Variants in LIAT1 observed in about 807,000 individuals in gnomAD.
LIAT1 encodes the protein protein LIAT1.
chr17:413,331 C>G, the LIAT1 span: 2 of 1,614,112 alleles, frequency 1.2e-6, no homozygotes, highest in African/African-American at 2.7e-5. Flanking sequence ...GAGAACCTTG[C>G]GAATCGGATC....
the LIAT1 span, chr17:410,495 C>G: frequency 3.2e-6 from 5 of 1,544,270 alleles, no homozygotes; most frequent in Non-Finnish European, 4.4e-6. Flanking sequence ...ACAAGGACAA[C>G]GACGGCGAGG....
the LIAT1 span, chr17:413,269 G>A: frequency 1.9e-6 from 3 of 1,614,190 alleles, no homozygotes; most frequent in Non-Finnish European, 2.5e-6. Flanking sequence ...TGGAAAAGAA[G>A]CACCTCCCTT....
At chr17:413,862 A>G in the LIAT1 span, 1 of 1,597,120 alleles carries the variant, frequency 6.3e-7, no homozygotes, top group Non-Finnish European at 8.5e-7. Context: ...CCCGACCCCG[A>G]GGCCCTCAAG....
the LIAT1 span, chr17:410,533 G>A: frequency 6.5e-7 from 1 of 1,545,830 alleles, no homozygotes; most frequent in Non-Finnish European, 8.7e-7. Flanking sequence ...GGCGCCGCGG[G>A]CCCGCGGGGG....
the LIAT1 span, chr17:410,614 A>G: frequency 1.3e-6 from 2 of 1,542,908 alleles, no homozygotes; most frequent in Non-Finnish European, 1.7e-6. Context: ...AAAAAAAGGA[A>G]GAAGAAGACC....
the LIAT1 span, among the ~76,000 whole-genome samples, chr17:411,988 G>A: frequency 1.3e-5 from 2 of 152,234 alleles, no homozygotes; most frequent in Non-Finnish European, 2.9e-5. Flanking sequence ...TATGGACCGT[G>A]CAGTGTGGGA....
At chr17:411,415 T>C in the LIAT1 span, among the ~76,000 whole-genome samples, 5 of 152,118 alleles carry the variant, frequency 3.3e-5, no homozygotes, top group Non-Finnish European at 7.4e-5. Flanking sequence ...ACACCTGTAA[T>C]CCGAGCACTT....
At chr17:414,255 AT>A in the LIAT1 span, 1 of 1,068,862 alleles carries the variant, frequency 9.4e-7, no homozygotes, top group Non-Finnish European at 1.3e-6. This position sits in a 1 kb window ranked among gnomAD's most constrained non-coding sequence, Gnocchi z 4.1. Context: ...CGACTCTCCC[AT>A]CACCAAGCTG....
the LIAT1 span, among the ~76,000 whole-genome samples, chr17:412,261 C>A: frequency 6.6e-6 from 1 of 151,286 alleles, no homozygotes; most frequent in Non-Finnish European, 1.5e-5. Flanking sequence ...AAGATTGTGC[C>A]ACTGTGCTCC....
chr17:410,378 T>A, the LIAT1 span: 1 of 1,520,130 alleles, frequency 6.6e-7, no homozygotes, highest in East Asian at 2.5e-5. Context: ...CGGTCCGCGC[T>A]GAGAGTCGCC....
At chr17:413,530 C>T in the LIAT1 span, 19 of 1,513,764 alleles carry the variant, frequency 1.3e-5, 1 homozygote, top group Admixed American at 3.6e-5. Flanking sequence ...ACCCCGACCC[C>T]GAGGCCCTCA....
At chr17:413,023 A>G in the LIAT1 span, 2 of 1,092,660 alleles carry the variant, frequency 1.8e-6, no homozygotes, top group East Asian at 4.8e-5. Flanking sequence ...TGGGCTTGGC[A>G]GCCTGAGCCC....
At chr17:413,495 GA>G in the LIAT1 span, 9 of 1,363,378 alleles carry the variant, frequency 6.6e-6, no homozygotes, top group Middle Eastern at 2.5e-4. Context: ...CTTCCACCCC[GA>G]CCCCGACGCC....
the LIAT1 span, chr17:413,343 A>G: frequency 6.2e-7 from 1 of 1,614,268 alleles, no homozygotes; most frequent in South Asian, 1.1e-5. Flanking sequence ...AATCGGATCA[A>G]CGAAAGTCTG....
chr17:413,193 C>A, the LIAT1 span: 2 of 1,614,078 alleles, frequency 1.2e-6, no homozygotes, highest in African/African-American at 1.3e-5. Flanking sequence ...CTTTCTTCCT[C>A]CTTTCATGAC....
the LIAT1 span, among the ~76,000 whole-genome samples, chr17:411,422 A>G: frequency 2.6e-5 from 4 of 152,200 alleles, no homozygotes; most frequent in African/African-American, 9.6e-5. Flanking sequence ...TAATCCGAGC[A>G]CTTTGGGAGG....
At chr17:413,472 A>T in the LIAT1 span, 167 of 1,570,512 alleles carry the variant, frequency 1.1e-4, 6 homozygotes, top group African/African-American at 2.2e-3. Flanking sequence ...CCCGACCCCG[A>T]GGCCCTCAAG....
the LIAT1 span, chr17:410,529 G>A: frequency 2.6e-6 from 4 of 1,545,506 alleles, no homozygotes; most frequent in African/African-American, 1.4e-5. Flanking sequence ...GGGCGGCGCC[G>A]CGGGCCCGCG....
At chr17:413,145 C>T in the LIAT1 span, 1 of 1,613,372 alleles carries the variant, frequency 6.2e-7, no homozygotes, top group Admixed American at 1.7e-5. Flanking sequence ...ATCTACTCAG[C>T]AGATAAACAT....
Sources: allele counts gnomAD v4.1 joint callset (sites outside exome capture counted in the v4.1 genomes callset), GRCh38; gene constraint gnomAD v4.1.1; non-coding constraint Gnocchi (gnomAD v3.1); transcripts MANE v1.5; gene names NCBI Gene and HGNC (gene_info 2026-07-23, HGNC 2026-07-21).